The following TBC1D5 variants were observed in gnomAD, a reference collection of about 807,000 sequenced individuals.
The protein encoded by TBC1D5 is TBC1 domain family member 5.
A neutral mutation model predicts 100.3 loss-of-function variants in TBC1D5; 75 were observed. The ratio of observed to expected loss-of-function variants is 0.75; its 90% CI spans 0.62 to 0.91. The LOEUF (loss-of-function observed/expected upper bound fraction) is 0.91, where lower values mean the gene tolerates loss of function less well. Among genes scored for constraint, TBC1D5 ranks in the 40% least tolerant of loss-of-function variants. The pLI is 0.00. For missense variants in TBC1D5, 910 were observed against 942.4 expected, an observed-to-expected ratio of 0.97 and a Z score of 0.45; for synonymous variants, 323 against 325.6, an observed-to-expected ratio of 0.99 and a Z score of 0.09.
At chr3:17,620,811 G>A (rs1349720107) in intron 2 of TBC1D5, among the ~76,000 whole-genome samples, 1 of 151,966 alleles carries the variant, frequency 6.6e-6, no homozygotes, top group African/African-American at 2.4e-5. Flanking sequence ...GGGCACAAAA[G>A]CTGAAAGAAA....
chr3:17,265,927 A>G (rs768319765), intron 15 of TBC1D5, among the ~76,000 whole-genome samples: 2 of 152,076 alleles, frequency 1.3e-5, no homozygotes, highest in Non-Finnish European at 2.9e-5. Context: ...CCTGGAACAA[A>G]GAACAGCCTG....
At chr3:17,363,933 G>A (rs779903744) in intron 13 of TBC1D5, among the ~76,000 whole-genome samples, 17 of 150,848 alleles carry the variant, frequency 1.1e-4, no homozygotes, top group Non-Finnish European at 2.4e-4. Flanking sequence ...AAAATCATAA[G>A]GAAAAATTTA....
chr3:17,607,397 C>G (rs2061393095), intron 2 of TBC1D5, among the ~76,000 whole-genome samples: 1 of 152,128 alleles, frequency 6.6e-6, no homozygotes. Context: ...TCCAACTCAA[C>G]ATAAATTTGA....
rs2077086903 is a variant in TBC1D5 at position 17,737,913 on chromosome 3, GT to G, written c.-101+1429del. On this transcript the variant is annotated intron_variant, in intron 1 of 21. Coordinates refer to ENST00000253692, the Ensembl canonical transcript of TBC1D5. The stretch of plus-strand genomic sequence containing the variant: ...TGCAATTACTGAATATTTTCCTGGA[GT>G]TAGCCACAGAAACCACATGCAACAC... Among the ~76,000 whole-genome samples, 4 of 151,736 alleles carry G rather than the reference GT, an allele frequency of 2.6e-5. No individual in the cohort carries two copies. In the South Asian group the frequency reaches 8.3e-4, roughly 32 times the overall value.
chr3:17,711,225 C>T (rs2074703087), intron 1 of TBC1D5, among the ~76,000 whole-genome samples: 1 of 151,860 alleles, frequency 6.6e-6, no homozygotes, highest in African/African-American at 2.4e-5. Flanking sequence ...TGAGTTTTTT[C>T]CTGTGAATTT....
intron 10 of TBC1D5, 115 bp downstream of exon 10, chr3:17,376,410 T>A (rs771622627): frequency 6.3e-5 from 56 of 886,140 alleles, no homozygotes; most frequent in Admixed American, 8.0e-5. Context: ...ATCAAATGTT[T>A]ACAACTTGTA....
At chr3:17,399,852 CCT>C (rs1398996522) in intron 8 of TBC1D5, among the ~76,000 whole-genome samples, 1 of 152,024 alleles carries the variant, frequency 6.6e-6, no homozygotes, top group East Asian at 1.9e-4. Flanking sequence ...CTAGCTACTC[CCT>C]CTGTCTACAT....
chr3:17,170,820 G>A (rs1351271355), intron 19 of TBC1D5, among the ~76,000 whole-genome samples: 2 of 152,112 alleles, frequency 1.3e-5, no homozygotes, highest in Non-Finnish European at 2.9e-5. Context: ...ATCTTGGCAG[G>A]GAGAAGAGAC....
chr3:17,524,763 C>T (rs945897138), intron 2 of TBC1D5: 2 of 152,176 alleles, frequency 1.3e-5, no homozygotes, highest in Non-Finnish European at 2.9e-5. Flanking sequence ...ACTCAGGAGG[C>T]TGAGGCAGGA....
At chr3:17,334,541 G>A (rs1468800331) in intron 13 of TBC1D5, among the ~76,000 whole-genome samples, 2 of 152,090 alleles carry the variant, frequency 1.3e-5, no homozygotes, top group Non-Finnish European at 2.9e-5. Flanking sequence ...CTATGAAAAT[G>A]GTGGGGTCAG....
At chr3:17,601,339 C>T (rs1470645740) in intron 2 of TBC1D5, among the ~76,000 whole-genome samples, 6 of 152,182 alleles carry the variant, frequency 3.9e-5, no homozygotes, top group Non-Finnish European at 8.8e-5. Context: ...GGGGAAACCC[C>T]GTCTCTACTA....
chr3:17,349,131 T>A (rs908879522), intron 13 of TBC1D5, among the ~76,000 whole-genome samples: 2 of 152,232 alleles, frequency 1.3e-5, no homozygotes, highest in African/African-American at 2.4e-5. Flanking sequence ...TTTGGGATTC[T>A]ATACATACAT....
chr3:17,322,850 T>C (rs1365298622), intron 13 of TBC1D5, among the ~76,000 whole-genome samples: 2 of 152,196 alleles, frequency 1.3e-5, no homozygotes, highest in South Asian at 2.1e-4. Flanking sequence ...TTGGGAAATA[T>C]TCATGTTCTG....
chr3:17,507,783 A>T (rs901263111), intron 3 of TBC1D5, among the ~76,000 whole-genome samples: 1 of 152,210 alleles, frequency 6.6e-6, no homozygotes, highest in Non-Finnish European at 1.5e-5. Flanking sequence ...TGAACTGCTT[A>T]AAAACTAAGG....
chr3:17,238,322 T>C, exon 17 of TBC1D5: 1 of 1,614,022 alleles, frequency 6.2e-7, no homozygotes, highest in Non-Finnish European at 8.5e-7. Context: ...CCACCTGCAC[T>C]GCCTGGAGCC....
chr3:17,263,558 T>G (rs1559512407), intron 15 of TBC1D5, among the ~76,000 whole-genome samples: 1 of 152,290 alleles, frequency 6.6e-6, no homozygotes, highest in East Asian at 1.9e-4. Context: ...ACTCAACTCT[T>G]TTCTGTTAAT....
Position 17,468,022 on chromosome 3 carries a change from A to G in TBC1D5, c.98-39503T>C, listed in dbSNP as rs575519070. On this transcript the variant is annotated intron_variant, in intron 3 of 21. Coordinates refer to ENST00000253692, the Ensembl canonical transcript of TBC1D5. ...CTAAAGAAAGAATAACGTTAAAAGA[A>G]AGTATACATTTTGAATAAGCAGCAT... is the stretch of plus-strand genomic sequence containing the variant. Among the ~76,000 whole-genome samples, 11 of 152,380 alleles carry G rather than the reference A, an allele frequency of 7.2e-5. No homozygotes were observed. The East Asian group carries it at 1.2e-3, about 16-fold the overall frequency.
In TBC1D5 at chr3:17,512,668, C is replaced by T. The variant is rs577875936; in HGVS notation, c.-35-4063G>A. 2.3e-4 allele frequency among the ~76,000 whole-genome samples: 35 copies of T among 152,266 alleles called. No homozygotes were observed. In the South Asian group the frequency reaches 5.6e-3, roughly 24 times the overall value. ...AGAAAGCATAGTAATACACCTTCCA[C>T]GATCTGGGAAAGGCCCTATCCTTCC... On this transcript the variant is annotated intron_variant, in intron 2 of 21. Transcript: ENST00000253692.
chr3:17,589,859 A>G (rs1247359588), intron 2 of TBC1D5, among the ~76,000 whole-genome samples: 3 of 152,190 alleles, frequency 2.0e-5, no homozygotes, highest in Non-Finnish European at 4.4e-5. Context: ...AGCATCCAAT[A>G]ACCATGTGAA....
Sources: gnomAD v4.1 joint callset for allele counts (sites outside exome capture counted in the v4.1 genomes callset) on GRCh38, gnomAD v4.1.1 for gene constraint, MANE v1.5 for transcripts, NCBI Gene and HGNC (gene_info 2026-07-23, HGNC 2026-07-21) for gene names.